CEP112: variants seen among roughly 807,000 people sequenced by gnomAD.
CEP112 encodes centrosomal protein 112, also known as centrosomal protein of 112 kDa.
Under a neutral mutation model 153.0 loss-of-function variants are expected in CEP112, and 127 were observed. The observed-to-expected ratio is 0.83, with a 90% CI of 0.72 to 0.96. The LOEUF (loss-of-function observed/expected upper bound fraction) is 0.96, where lower values mean the gene tolerates loss of function less well. Ranked by LOEUF, CEP112 falls within the 40% of genes least tolerant of loss-of-function variation. The pLI is 0.00. For synonymous variants in CEP112, 358 were observed against 374.4 expected, an observed-to-expected ratio of 0.96 and a Z score of 0.51; for missense variants, 1,089 against 1,101.2, an observed-to-expected ratio of 0.99 and a Z score of 0.16.
At chr17:66,158,380 A>C (rs2071538334) in intron 4 of CEP112, among the ~76,000 whole-genome samples, 1 of 152,150 alleles carries the variant, frequency 6.6e-6, no homozygotes, top group Non-Finnish European at 1.5e-5. Flanking sequence ...TGGGAGGCCG[A>C]GGGAGGCGGA....
At position 65,902,327 on chromosome 17, in the gene CEP112, TCTA is replaced by T; in HGVS notation, c.1985_1987del (p.Val662del). ...CTCCTGTTCATGCTCCAGCTTCAGC[TCTA>T]CTATCTGATTGGACAATGAGGAGGA... On this transcript the variant is annotated inframe_deletion, in exon 20 of 27. Transcript: ENST00000535342. The T allele has an allele frequency of 6.2e-7, 1 of 1,612,576 alleles. No homozygotes were observed. The highest frequency in any genetic ancestry group is 8.5e-7 in the Non-Finnish European group (1 of 1,179,518).
chr17:65,662,645 G>A (rs568926558), intron 24 of CEP112, among the ~76,000 whole-genome samples: 1 of 152,260 alleles, frequency 6.6e-6, no homozygotes, highest in South Asian at 2.1e-4. Flanking sequence ...AACAATCACT[G>A]GTGGCTGAGG....
chr17:66,059,007 T>G (rs2066818044), intron 11 of CEP112, among the ~76,000 whole-genome samples: 1 of 151,948 alleles, frequency 6.6e-6, no homozygotes, highest in Non-Finnish European at 1.5e-5. Flanking sequence ...GAAATAATGA[T>G]GCACACCTAC....
chr17:66,164,459 G>A (rs186723829), intron 4 of CEP112, among the ~76,000 whole-genome samples: 7 of 151,834 alleles, frequency 4.6e-5, no homozygotes, highest in Admixed American at 3.9e-4. Context: ...TCGGGAGGCT[G>A]GGGCAGGAGA....
rs554535127 is a variant in CEP112 at position 66,090,106 on chromosome 17, A to T, written c.768+6145T>A. On this transcript the variant is annotated intron_variant, in intron 8 of 26. Transcript: ENST00000535342. ...AAGCAGTCTTTCAGAAATAAAGAAA[A>T]GTTAAAAATGTACCAAGACACAAAA... Among the ~76,000 whole-genome samples, 24 of 152,242 alleles carry T rather than the reference A, an allele frequency of 1.6e-4. No individual in the cohort carries two copies. In the South Asian group the frequency reaches 4.1e-3, roughly 26 times the overall value.
chr17:65,947,037 T>C (rs1460970810), intron 18 of CEP112, among the ~76,000 whole-genome samples: 2 of 152,192 alleles, frequency 1.3e-5, no homozygotes, highest in East Asian at 1.9e-4. Flanking sequence ...ATTTGTATAT[T>C]TGTATACAAA....
At chr17:66,029,430 C>G (rs554121513) in intron 13 of CEP112, among the ~76,000 whole-genome samples, 178 bp from the exon 14 acceptor site, 1 of 152,252 alleles carries the variant, frequency 6.6e-6, no homozygotes, top group South Asian at 2.1e-4. Context: ...GGTACAGTGA[C>G]TCATGCCTGA....
At chr17:65,793,737 G>A (rs1440332231) in intron 21 of CEP112, among the ~76,000 whole-genome samples, 5 of 152,066 alleles carry the variant, frequency 3.3e-5, no homozygotes, top group Non-Finnish European at 7.3e-5. Flanking sequence ...GTACCCTCTA[G>A]GTTTGTTAAT....
At chr17:66,144,812 T>C (rs2070854391) in intron 4 of CEP112, among the ~76,000 whole-genome samples, 1 of 152,248 alleles carries the variant, frequency 6.6e-6, no homozygotes. Context: ...CCCTTTGGGT[T>C]ATTATGAATA....
intron 12 of CEP112, among the ~76,000 whole-genome samples, chr17:66,046,255 G>GA (rs2066203770): frequency 6.6e-6 from 1 of 152,076 alleles, no homozygotes; most frequent in Non-Finnish European, 1.5e-5. Flanking sequence ...TATTAGCCAG[G>GA]ATGGTCTCAA....
chr17:65,882,418 T>C (rs2059116624), intron 20 of CEP112, among the ~76,000 whole-genome samples: 1 of 152,224 alleles, frequency 6.6e-6, no homozygotes, highest in Non-Finnish European at 1.5e-5. Context: ...TTTAATCATA[T>C]TGCCAGAATG....
chr17:66,024,998 A>G (rs1241337978), intron 16 of CEP112, among the ~76,000 whole-genome samples: 1 of 152,118 alleles, frequency 6.6e-6, no homozygotes, highest in Non-Finnish European at 1.5e-5. Flanking sequence ...ACTACAGCCA[A>G]ATGATCTTTG....
At chr17:65,861,472 C>T (rs1426758491) in intron 20 of CEP112, among the ~76,000 whole-genome samples, 2 of 152,110 alleles carry the variant, frequency 1.3e-5, no homozygotes, top group African/African-American at 4.8e-5. Flanking sequence ...AAAACTAAAT[C>T]ACAAACTGGA....
At chr17:65,846,867 C>CTGTG (rs2057745672) in intron 21 of CEP112, among the ~76,000 whole-genome samples, 3 of 152,286 alleles carry the variant, frequency 2.0e-5, no homozygotes, top group Admixed American at 2.0e-4. Flanking sequence ...TGAGTGCTTA[C>CTGTG]TGTGTGTAAG....
chr17:65,674,303 C>T (rs566369444), intron 24 of CEP112, among the ~76,000 whole-genome samples: 2 of 152,192 alleles, frequency 1.3e-5, no homozygotes, highest in South Asian at 4.1e-4. Context: ...TAATCCATTC[C>T]CAGGTCTGTT....
intron 18 of CEP112, 134 bp from the exon 19 acceptor site, chr17:65,927,823 A>G (rs1397454581): frequency 2.2e-6 from 1 of 448,282 alleles, no homozygotes; most frequent in East Asian, 3.6e-5. Flanking sequence ...AAATGTATTA[A>G]AATAATGAGA....
At chr17:65,750,898 G>GAA in intron 21 of CEP112, 174 bp from the exon 22 acceptor site, 3 of 363,602 alleles carry the variant, frequency 8.3e-6, no homozygotes, top group Non-Finnish European at 1.5e-5. Context: ...CACTTAAAAA[G>GAA]CAAAAAAAAA....
rs1366091064 is a variant in CEP112 at position 65,829,084 on chromosome 17, G to T, written c.2394+22720C>A. ...CTTGGTATTATTAATTTAAAATTAC[G>T]CTTGGTAATATTTAAACTAATTTAC... is the stretch of plus-strand genomic sequence containing the variant. On this transcript the variant is annotated intron_variant, in intron 21 of 26. Transcript: ENST00000535342. 4.6e-5 allele frequency among the ~76,000 whole-genome samples: 7 copies of T among 151,874 alleles called. No individual in the cohort carries two copies. In the East Asian group the frequency reaches 1.2e-3, roughly 25 times the overall value.
chr17:66,187,310 C>T (rs769497219), intron 1 of CEP112, among the ~76,000 whole-genome samples: 1 of 152,130 alleles, frequency 6.6e-6, no homozygotes, highest in Non-Finnish European at 1.5e-5. Context: ...TTCCATTCGC[C>T]AAATCCACTT....
Sources: allele counts gnomAD v4.1 joint callset (sites outside exome capture counted in the v4.1 genomes callset), GRCh38; gene constraint gnomAD v4.1.1; transcripts MANE v1.5; gene names NCBI Gene and HGNC (gene_info 2026-07-23, HGNC 2026-07-21).